Variants in DCC observed in about 807,000 individuals in gnomAD.
The protein encoded by DCC is DCC netrin 1 receptor.
A neutral mutation model predicts 172.5 loss-of-function variants in DCC; 58 were observed. The observed-to-expected ratio is 0.34, with a 90% CI of 0.27 to 0.42. DCC has a LOEUF of 0.42. Among genes scored for constraint, DCC ranks in the 10% least tolerant of loss-of-function variants. The probability of loss-of-function intolerance (pLI) is 1.00; values close to 1 mark genes in which losing one functional copy is unlikely to be tolerated. For synonymous variants in DCC, 709 were observed against 644.5 expected, an observed-to-expected ratio of 1.10 and a Z score of -1.52; for missense variants, 1,740 against 1,791.0, an observed-to-expected ratio of 0.97 and a Z score of 0.51.
At chr18:52,815,083 G>T (rs2145257504) in intron 2 of DCC, among the ~76,000 whole-genome samples, 1 of 152,266 alleles carries the variant, frequency 6.6e-6, no homozygotes, top group East Asian at 1.9e-4. Context: ...GGTATCTATT[G>T]TAGGCCAAAT....
At chr18:53,499,773 G>A (rs2046073869) in intron 27 of DCC, among the ~76,000 whole-genome samples, 1 of 152,106 alleles carries the variant, frequency 6.6e-6, no homozygotes, top group African/African-American at 2.4e-5. Flanking sequence ...TTTTTAATAT[G>A]TGCTATAGGT....
chr18:52,933,660 T>C (rs1264207470), intron 5 of DCC, among the ~76,000 whole-genome samples: 1 of 152,094 alleles, frequency 6.6e-6, no homozygotes, highest in Non-Finnish European at 1.5e-5. Flanking sequence ...AGATTTCTGA[T>C]TGTGGCTTGT....
chr18:52,766,837 G>A (rs1186783826), intron 2 of DCC, among the ~76,000 whole-genome samples: 1 of 151,928 alleles, frequency 6.6e-6, no homozygotes, highest in Non-Finnish European at 1.5e-5. Flanking sequence ...TAGCTTGAGG[G>A]TGAGATTTTG....
At chr18:53,153,904 C>G (rs1032839907) in intron 7 of DCC, among the ~76,000 whole-genome samples, 8 of 152,138 alleles carry the variant, frequency 5.3e-5, no homozygotes, top group Non-Finnish European at 8.8e-5. Context: ...ACATTGGCTT[C>G]GTCTGTTGTT....
chr18:53,249,828 T>G (rs1333245221), intron 12 of DCC, among the ~76,000 whole-genome samples: 2 of 151,986 alleles, frequency 1.3e-5, no homozygotes, highest in Non-Finnish European at 2.9e-5. Context: ...GTTAATGGCA[T>G]CATGATTAAT....
chr18:53,206,323 A>G (rs562753570), intron 10 of DCC, among the ~76,000 whole-genome samples: 2 of 88,922 alleles, frequency 2.2e-5, no homozygotes, highest in Non-Finnish European at 4.4e-5. Context: ...ACATATATGT[A>G]TTGTAACACA....
intron 13 of DCC, among the ~76,000 whole-genome samples, chr18:53,311,952 A>C (rs1172122442): frequency 6.6e-6 from 1 of 152,164 alleles, no homozygotes; most frequent in Non-Finnish European, 1.5e-5. Flanking sequence ...ATCAGTATTA[A>C]AAGGGATAGG....
chr18:53,235,582 G>A (rs1214724597), intron 12 of DCC, among the ~76,000 whole-genome samples: 1 of 152,046 alleles, frequency 6.6e-6, no homozygotes, highest in Non-Finnish European at 1.5e-5. Context: ...GTGCACTTTT[G>A]ACCTGGTATT....
intron 21 of DCC, among the ~76,000 whole-genome samples, chr18:53,420,770 A>G (rs1910607418): frequency 6.6e-6 from 1 of 152,172 alleles, no homozygotes; most frequent in Admixed American, 6.6e-5. Context: ...TAGAGATTCA[A>G]TATACACATT....
intron 1 of DCC, among the ~76,000 whole-genome samples, chr18:52,627,348 A>G (rs960500943): frequency 5.9e-5 from 9 of 152,180 alleles, no homozygotes; most frequent in African/African-American, 1.9e-4. Context: ...TTGGGTGGTC[A>G]GTTAATACTA....
intron 1 of DCC, among the ~76,000 whole-genome samples, chr18:52,722,790 C>G (rs904620943): frequency 6.6e-6 from 1 of 152,158 alleles, no homozygotes; most frequent in African/African-American, 2.4e-5. Context: ...TTGAGGATTT[C>G]CTGTACTTCC....
At chr18:53,312,610 C>T (rs998489970) in intron 13 of DCC, among the ~76,000 whole-genome samples, 2 of 150,930 alleles carry the variant, frequency 1.3e-5, no homozygotes, top group African/African-American at 4.9e-5. Context: ...GAGGGCAGAT[C>T]AGGAGGTCAG....
At chr18:52,478,216 TC>T (rs11355727) in intron 1 of DCC, among the ~76,000 whole-genome samples, 4,804 of 152,274 alleles carry the variant, frequency 0.032, 268 homozygotes, top group African/African-American at 0.11. Context: ...TATGTTGACA[TC>T]AGTACCCTAT....
chr18:52,656,400 C>T (rs1358621534), intron 1 of DCC, among the ~76,000 whole-genome samples: 1 of 152,096 alleles, frequency 6.6e-6, no homozygotes, highest in African/African-American at 2.4e-5. Context: ...TTCAATCCGC[C>T]ACCACCTTGA....
chr18:53,247,326 C>T (rs1268710873), intron 12 of DCC, among the ~76,000 whole-genome samples: 2 of 151,894 alleles, frequency 1.3e-5, no homozygotes, highest in Non-Finnish European at 2.9e-5. Context: ...AAAGAAGACA[C>T]CGTGTGGTGA....
chr18:52,462,829 G>A (rs900991302), intron 1 of DCC, among the ~76,000 whole-genome samples: 27 of 151,678 alleles, frequency 1.8e-4, no homozygotes, highest in African/African-American at 6.5e-4. Flanking sequence ...CTGGCACAGA[G>A]TGAGTACTCT....
At chr18:52,561,451 C>T (rs1032570729) in intron 1 of DCC, among the ~76,000 whole-genome samples, 3 of 151,726 alleles carry the variant, frequency 2.0e-5, no homozygotes, top group Non-Finnish European at 4.4e-5. Flanking sequence ...ATGTGCTACA[C>T]ACACATATAT....
At chr18:53,472,703 C>G (rs1310216493) in intron 25 of DCC, among the ~76,000 whole-genome samples, 2 of 152,174 alleles carry the variant, frequency 1.3e-5, no homozygotes, top group Admixed American at 6.6e-5. Flanking sequence ...ACTGCCAAGA[C>G]AGCTTCCTAG....
intron 7 of DCC, among the ~76,000 whole-genome samples, chr18:53,145,740 A>G (rs1265311212): frequency 6.6e-6 from 1 of 152,144 alleles, no homozygotes; most frequent in African/African-American, 2.4e-5. Context: ...ATTGTTTTCA[A>G]CTAGAAAACA....
Sources: allele counts gnomAD v4.1 joint callset (sites outside exome capture counted in the v4.1 genomes callset), GRCh38; gene constraint gnomAD v4.1.1; transcripts MANE v1.5; gene names NCBI Gene and HGNC (gene_info 2026-07-23, HGNC 2026-07-21).